The following MAF variants were observed in gnomAD, a reference collection of about 807,000 sequenced individuals.
MAF encodes the protein transcription factor Maf.
A neutral mutation model predicts 22.0 loss-of-function variants in MAF; 10 were observed. The observed-to-expected ratio is 0.45, with a 90% CI of 0.28 to 0.77. The LOEUF is 0.77. Among genes scored for constraint, MAF ranks in the 30% least tolerant of loss-of-function variants. The pLI is 0.12. For missense variants in MAF, 544 were observed against 548.4 expected (o/e 0.99, Z 0.08); for synonymous variants, 337 against 255.8 (o/e 1.32, Z -3.03).
the MAF span, chr16:79,203,916 A>G: frequency 6.6e-6 from 1 of 152,200 alleles, no homozygotes; most frequent in African/African-American, 2.4e-5. Flanking sequence ...AAAATGTAAA[A>G]TGTTTCAAAT....
chr16:79,430,568 A>G, the MAF span, among the ~76,000 whole-genome samples: 1 of 152,264 alleles, frequency 6.6e-6, no homozygotes, highest in South Asian at 2.1e-4. Flanking sequence ...TGCCCGGCAC[A>G]CGGCAGGCAC....
the MAF span, chr16:79,211,657 AG>A: frequency 1.9e-6 from 3 of 1,614,158 alleles, no homozygotes; most frequent in East Asian, 2.2e-5. Flanking sequence ...CCAGAACTGG[AG>A]GGTCTGGGAG....
the MAF span, among the ~76,000 whole-genome samples, chr16:79,339,051 ATTTTTAT>A: frequency 2.0e-5 from 3 of 151,708 alleles, no homozygotes; most frequent in Non-Finnish European, 2.9e-5. Context: ...TTAATTTTTT[ATTTTTAT>A]TTTTTATTTT....
chr16:79,255,884 T>G, the MAF span, among the ~76,000 whole-genome samples: 2 of 152,100 alleles, frequency 1.3e-5, no homozygotes, highest in Non-Finnish European at 2.9e-5. Flanking sequence ...GTCCTTTTCA[T>G]GGTACCTGGT....
the MAF span, among the ~76,000 whole-genome samples, chr16:79,254,858 G>A: frequency 3.3e-5 from 5 of 152,220 alleles, no homozygotes; most frequent in Non-Finnish European, 7.4e-5. Context: ...TGATCATTTT[G>A]CCTGACCTTT....
the MAF span, among the ~76,000 whole-genome samples, chr16:79,520,111 T>C: frequency 1.3e-5 from 2 of 152,362 alleles, no homozygotes; most frequent in South Asian, 2.1e-4. Context: ...GTTCTGAATA[T>C]GAATGGCTCA....
chr16:79,365,531 G>A, the MAF span, among the ~76,000 whole-genome samples: 1 of 152,076 alleles, frequency 6.6e-6, no homozygotes, highest in Non-Finnish European at 1.5e-5. Context: ...TGTGATGAGG[G>A]GCCCTAGCTC....
chr16:79,467,966 C>A, the MAF span, among the ~76,000 whole-genome samples: 1,558 of 152,052 alleles, frequency 0.01, 31 homozygotes, highest in African/African-American at 0.036. Flanking sequence ...CTTGACCATG[C>A]TTTAATCTCC....
the MAF span, among the ~76,000 whole-genome samples, chr16:79,407,677 G>A: frequency 1.2e-4 from 18 of 152,118 alleles, no homozygotes; most frequent in African/African-American, 4.1e-4. Flanking sequence ...TTTTCTTCAT[G>A]TCAGAGATTT....
chr16:79,480,251 A>T, the MAF span, among the ~76,000 whole-genome samples: 1 of 152,208 alleles, frequency 6.6e-6, no homozygotes, highest in Non-Finnish European at 1.5e-5. Flanking sequence ...TTCCCCAATT[A>T]GTAACACGTT....
At chr16:79,563,343 T>A in the MAF span, among the ~76,000 whole-genome samples, 7 of 152,246 alleles carry the variant, frequency 4.6e-5, no homozygotes, top group Admixed American at 2.0e-4. Context: ...TTTGTTTGAC[T>A]CTAACTACTT....
At chr16:79,225,681 A>G in the MAF span, among the ~76,000 whole-genome samples, 187 of 152,218 alleles carry the variant, frequency 1.2e-3, 1 homozygote, top group East Asian at 0.015. Flanking sequence ...AATTTACAAG[A>G]AAAAAAACCA....
At chr16:79,485,917 A>C in the MAF span, among the ~76,000 whole-genome samples, 6 of 152,032 alleles carry the variant, frequency 3.9e-5, no homozygotes, top group Admixed American at 3.9e-4. Flanking sequence ...AAAGCATCCA[A>C]CCAATAATGG....
At chr16:79,212,486 G>A in the MAF span, 7 of 219,324 alleles carry the variant, frequency 3.2e-5, no homozygotes, top group South Asian at 6.6e-4. Flanking sequence ...TACCTTGAAA[G>A]GCAGGAAGGG....
chr16:79,204,766 T>A, the MAF span: 1 of 152,156 alleles, frequency 6.6e-6, no homozygotes, highest in Non-Finnish European at 1.5e-5. Flanking sequence ...CTTTGGGTGG[T>A]TGGGACTGGC....
intron 1 of MAF, chr16:79,597,011 G>A (rs1913572628): frequency 9.5e-7 from 1 of 1,054,692 alleles, no homozygotes; most frequent in Non-Finnish European, 1.1e-6. Flanking sequence ...ATATAAACAG[G>A]GGCGTTTCCC....
At chr16:79,259,096 T>C in the MAF span, among the ~76,000 whole-genome samples, 1 of 152,128 alleles carries the variant, frequency 6.6e-6, no homozygotes, top group Non-Finnish European at 1.5e-5. Flanking sequence ...TGTCTGCTTG[T>C]AGCACTTCGT....
chr16:79,363,992 C>G, the MAF span, among the ~76,000 whole-genome samples: 3 of 152,094 alleles, frequency 2.0e-5, no homozygotes, highest in Admixed American at 6.6e-5. Context: ...GACCAGTGAC[C>G]AAATGCAGGA....
the MAF span, among the ~76,000 whole-genome samples, chr16:79,221,140 G>A: frequency 1.1e-4 from 16 of 152,328 alleles, no homozygotes; most frequent in South Asian, 2.1e-4. Flanking sequence ...TCTTGACTGC[G>A]TTGGGAAATG....
Sources: gnomAD v4.1 joint callset for allele counts (sites outside exome capture counted in the v4.1 genomes callset) on GRCh38, gnomAD v4.1.1 for gene constraint, MANE v1.5 for transcripts, NCBI Gene and HGNC (gene_info 2026-07-23, HGNC 2026-07-21) for gene names.